Variants in CTNNA2 observed in about 807,000 individuals in gnomAD.
CTNNA2 encodes catenin alpha 2, also known as catenin alpha-2.
CTNNA2 carries 42 observed loss-of-function variants against 101.0 expected under a neutral mutation model. The observed-to-expected ratio is 0.42, with a 90% CI of 0.32 to 0.54. CTNNA2 has a LOEUF of 0.54. CTNNA2 is among the 20% of genes least tolerant of loss of function. CTNNA2 has a pLI of 0.14. For synonymous variants in CTNNA2, 450 were observed against 456.4 expected (o/e 0.99, Z 0.18); for missense variants, 871 against 1,223.1 (o/e 0.71, Z 4.29).
chr2:79,334,775 C>T (rs1246750856), intron 3 of CTNNA2, among the ~76,000 whole-genome samples: 1 of 152,110 alleles, frequency 6.6e-6, no homozygotes, highest in African/African-American at 2.4e-5. Flanking sequence ...AATCATTGCA[C>T]CCTTCTGTCC....
chr2:79,409,617 C>A (rs1454627366), intron 4 of CTNNA2, among the ~76,000 whole-genome samples: 2 of 149,492 alleles, frequency 1.3e-5, no homozygotes, highest in Non-Finnish European at 1.5e-5. Flanking sequence ...TGTAGATATG[C>A]GGCATTATTT....
At chr2:79,512,823 C>G (rs1372161072), upstream of CTNNA2, among the ~76,000 whole-genome samples, 2 of 151,448 alleles carry the variant, frequency 1.3e-5, no homozygotes, top group African/African-American at 4.8e-5. Flanking sequence ...CCGCGGCCCC[C>G]CACCCAGCCA....
chr2:79,607,177 G>A (rs917306119), intron 1 of CTNNA2, among the ~76,000 whole-genome samples: 3 of 152,108 alleles, frequency 2.0e-5, no homozygotes, highest in Non-Finnish European at 4.4e-5. Context: ...TATTACTAGG[G>A]ATAAAGAAGT....
intron 2 of CTNNA2, among the ~76,000 whole-genome samples, chr2:79,712,042 T>TTTTA (rs1474346524): frequency 6.6e-6 from 1 of 152,162 alleles, no homozygotes; most frequent in East Asian, 1.9e-4. Context: ...CATTATACTG[T>TTTTA]TCATGAGGCA....
intron 7 of CTNNA2, among the ~76,000 whole-genome samples, chr2:80,273,259 G>A (rs1202778268): frequency 1.3e-5 from 2 of 152,096 alleles, no homozygotes; most frequent in Non-Finnish European, 2.9e-5. Flanking sequence ...CAAAAATCAT[G>A]GAATCGATTT....
At position 79,346,227 on chromosome 2, in the gene CTNNA2, C is replaced by T. The variant is rs140427689; in HGVS notation, c.-317-27604C>T. Among the ~76,000 whole-genome samples the T allele has an allele frequency of 1.6e-4, 25 of 152,228 alleles. No homozygotes were observed. In the East Asian group the frequency reaches 4.5e-3, roughly 27 times the overall value. ...CCTGCTCCGCTAAGCATTGAGGGAA[C>T]AGGAATGAAAAATTAATATTGACCT... is the stretch of plus-strand genomic sequence containing the variant. On this transcript the variant is annotated intron_variant, in intron 3 of 21. Transcript: ENST00000466387.
chr2:80,109,285 C>T (rs1701070014), intron 7 of CTNNA2, among the ~76,000 whole-genome samples: 1 of 147,958 alleles, frequency 6.8e-6, no homozygotes, highest in South Asian at 2.1e-4. Flanking sequence ...ATGGTGAAAC[C>T]CCATGTCTAC....
chr2:80,095,201 T>C (rs2148827293), intron 7 of CTNNA2, among the ~76,000 whole-genome samples: 1 of 152,274 alleles, frequency 6.6e-6, no homozygotes, highest in Admixed American at 6.5e-5. Context: ...TTATTGAGAG[T>C]TTTTGGCGTG....
chr2:80,475,224 C>T (rs912239485), intron 9 of CTNNA2, among the ~76,000 whole-genome samples: 6 of 152,268 alleles, frequency 3.9e-5, no homozygotes, highest in Non-Finnish European at 8.8e-5. Flanking sequence ...AGTATCCCTC[C>T]ACTGGAAAGT....
chr2:80,006,282 G>A (rs1193239933), intron 7 of CTNNA2, among the ~76,000 whole-genome samples: 9 of 149,898 alleles, frequency 6.0e-5, no homozygotes, highest in Admixed American at 6.0e-4. Context: ...AAGTCTATCA[G>A]TCATAATAAT....
At chr2:79,724,659 C>G (rs1036867875) in intron 2 of CTNNA2, among the ~76,000 whole-genome samples, 11 of 151,576 alleles carry the variant, frequency 7.3e-5, no homozygotes, top group African/African-American at 1.9e-4. Flanking sequence ...ACTAAAAATA[C>G]AAAAAATTAG....
intron 9 of CTNNA2, among the ~76,000 whole-genome samples, chr2:80,472,494 A>G (rs1300725104): frequency 6.6e-6 from 1 of 152,104 alleles, no homozygotes; most frequent in Non-Finnish European, 1.5e-5. Flanking sequence ...ATGGAAGCAA[A>G]CTCTGAACAT....
chr2:79,876,025 T>C, intron 6 of CTNNA2, among the ~76,000 whole-genome samples: 1 of 152,218 alleles, frequency 6.6e-6, no homozygotes, highest in Middle Eastern at 3.4e-3. Flanking sequence ...AAGTCTAATA[T>C]AGATGTGAAG....
chr2:80,036,745 G>A (rs972844272), intron 7 of CTNNA2, among the ~76,000 whole-genome samples: 2 of 152,030 alleles, frequency 1.3e-5, no homozygotes, highest in African/African-American at 4.8e-5. Flanking sequence ...GCACCTCCAT[G>A]TCACTGAGGA....
chr2:80,545,856 C>T, intron 10 of CTNNA2, 51 bp from the exon 11 acceptor site: 1 of 1,585,732 alleles, frequency 6.3e-7, no homozygotes, highest in Non-Finnish European at 8.6e-7. Flanking sequence ...CGGCTTATTC[C>T]TCTTTTGAAG....
intron 2 of CTNNA2, among the ~76,000 whole-genome samples, chr2:79,248,342 AT>A: frequency 6.6e-6 from 1 of 151,918 alleles, no homozygotes; most frequent in Non-Finnish European, 1.5e-5. Context: ...AGGTAAAATT[AT>A]TTTTAATAAT....
At position 80,244,646 on chromosome 2, in the gene CTNNA2, T is replaced by C. The variant is rs533078674; in HGVS notation, c.1057-148565T>C. Among the ~76,000 whole-genome samples the C allele has an allele frequency of 4.5e-4, 69 of 152,332 alleles. 1 individual carries two copies. Among genetic ancestry groups the C allele is most frequent in the Non-Finnish European group, 8.2e-4 (56 of 68,030 alleles). On this transcript the variant is annotated intron_variant, in intron 7 of 18. Transcript: ENST00000402739. Reference sequence around the variant, plus strand: ...TTTGTTAGGTTAGTGCAAAAGTAATTGTGGGTTTTGCCATTAAAAGTAACG... The same window carrying C: ...TTTGTTAGGTTAGTGCAAAAGTAATCGTGGGTTTTGCCATTAAAAGTAACG...
At chr2:80,393,093 T>A in intron 7 of CTNNA2, 118 bp from the exon 8 acceptor site, 1 of 706,772 alleles carries the variant, frequency 1.4e-6, no homozygotes, top group African/African-American at 1.8e-5. Context: ...GTATTGAAAA[T>A]AATCTTTTTA....
chr2:79,680,961 C>T (rs932890971), intron 2 of CTNNA2, among the ~76,000 whole-genome samples: 5 of 152,142 alleles, frequency 3.3e-5, no homozygotes, highest in Admixed American at 6.6e-5. Flanking sequence ...CTGAAGGAAC[C>T]ATAGAAGTTT....
Sources: allele counts gnomAD v4.1 joint callset (sites outside exome capture counted in the v4.1 genomes callset), GRCh38; gene constraint gnomAD v4.1.1; transcripts MANE v1.5; gene names NCBI Gene and HGNC (gene_info 2026-07-23, HGNC 2026-07-21).